Variants in TMEM9 observed in about 807,000 individuals in gnomAD.
TMEM9 encodes the protein transmembrane protein 9.
Under a neutral mutation model 22.8 loss-of-function variants are expected in TMEM9, and 13 were observed. That is an observed-to-expected ratio of 0.57 (90% CI 0.37 to 0.91). TMEM9 has a LOEUF of 0.91. TMEM9 is among the 40% of genes least tolerant of loss of function. TMEM9 has a pLI of 0.01. For missense variants in TMEM9, 182 were observed against 238.1 expected (o/e 0.76, Z 1.55); for synonymous variants, 88 against 93.0 (o/e 0.95, Z 0.31).
chr1:201,155,912 T>G (rs1261823783), upstream of TMEM9, among the ~76,000 whole-genome samples: 1 of 152,180 alleles, frequency 6.6e-6, no homozygotes, highest in Non-Finnish European at 1.5e-5. Context: ...TAAATGGCAA[T>G]GTTAGCTCAT....
At position 201,135,628 on chromosome 1, in the gene TMEM9, G is replaced by A; in HGVS notation, c.*35C>T. 2.6e-6 allele frequency: 4 copies of A among 1,542,026 alleles called. No individual in the cohort carries two copies. The highest frequency in any genetic ancestry group is 3.5e-6 in the Non-Finnish European group (4 of 1,140,712). ...GTCCAGCCTGGAAGCTGGCAGCCAT[G>A]GTGTTGGGGCCTTGACCCAACCACA... On this transcript the variant is annotated 3_prime_UTR_variant, in exon 5 of 5. Transcript: ENST00000367330.
At chr1:201,146,123 G>A (rs777237534) in intron 3 of TMEM9, among the ~76,000 whole-genome samples, 3 of 152,220 alleles carry the variant, frequency 2.0e-5, no homozygotes, top group Non-Finnish European at 2.9e-5. Flanking sequence ...TAGAAGACAC[G>A]GGAAGTTCTG....
intron 4 of TMEM9, among the ~76,000 whole-genome samples, chr1:201,140,073 T>C (rs1254324017): frequency 6.6e-6 from 1 of 152,224 alleles, no homozygotes; most frequent in Non-Finnish European, 1.5e-5. Context: ...CTGCCACCCA[T>C]GTGCAGACAG....
upstream of TMEM9, among the ~76,000 whole-genome samples, chr1:201,154,691 C>T (rs530522686): frequency 6.6e-6 from 1 of 152,318 alleles, no homozygotes; most frequent in East Asian, 1.9e-4. Flanking sequence ...GGCCTGAGAA[C>T]TCCCACTGCG....
At chr1:201,142,750 A>T (rs925726632) in intron 4 of TMEM9, among the ~76,000 whole-genome samples, 1 of 152,244 alleles carries the variant, frequency 6.6e-6, no homozygotes, top group Non-Finnish European at 1.5e-5. Flanking sequence ...TGGAAGCAGC[A>T]GCCAACCCCG....
intron 1 of TMEM9, among the ~76,000 whole-genome samples, chr1:201,153,418 CTATG>C (rs1170280456): frequency 6.6e-6 from 1 of 152,156 alleles, no homozygotes; most frequent in African/African-American, 2.4e-5. Context: ...TACCTTCGGG[CTATG>C]TATATACAGC....
chr1:201,157,314 A>G (rs988606953), upstream of TMEM9, among the ~76,000 whole-genome samples: 3 of 152,114 alleles, frequency 2.0e-5, no homozygotes, highest in Non-Finnish European at 2.9e-5. Flanking sequence ...CATGTTGCCC[A>G]GTTCTTTCTT....
At chr1:201,140,286 C>T (rs908898760) in intron 4 of TMEM9, among the ~76,000 whole-genome samples, 2 of 152,250 alleles carry the variant, frequency 1.3e-5, no homozygotes, top group African/African-American at 4.8e-5. Context: ...GCGACATCCC[C>T]AGCCTCAGAG....
intron 1 of TMEM9, among the ~76,000 whole-genome samples, chr1:201,160,936 C>CA (rs36053036): frequency 0.34 from 39,463 of 115,318 alleles, 6,313 homozygotes; most frequent in Admixed American, 0.47. Flanking sequence ...ACTCTGTCTC[C>CA]AAAAAAAAAA....
chr1:201,153,772 C>T (rs1366358294), intron 1 of TMEM9, 86 bp downstream of exon 1: 3 of 1,591,276 alleles, frequency 1.9e-6, no homozygotes, highest in African/African-American at 2.7e-5. Context: ...GCTTAAGGAG[C>T]AGCTGGCTAC....
intron 3 of TMEM9, chr1:201,144,955 C>T (rs987929694): frequency 1.3e-5 from 2 of 152,276 alleles, no homozygotes; most frequent in East Asian, 3.8e-4. Flanking sequence ...CCCTGCCCTA[C>T]CTAGACTGTG....
intron 4 of TMEM9, among the ~76,000 whole-genome samples, chr1:201,139,511 C>A (rs1404321043): frequency 3.9e-5 from 6 of 152,134 alleles, no homozygotes; most frequent in Admixed American, 2.0e-4. Context: ...CCAGCTGGGA[C>A]CCACCTGCTC....
intron 1 of TMEM9, among the ~76,000 whole-genome samples, chr1:201,170,148 G>T (rs1259689209): frequency 1.3e-5 from 2 of 152,190 alleles, no homozygotes; most frequent in African/African-American, 2.4e-5. Flanking sequence ...GGGGTGCATT[G>T]GCTGTGATGG....
At chr1:201,141,473 A>C in intron 4 of TMEM9, among the ~76,000 whole-genome samples, 1 of 152,142 alleles carries the variant, frequency 6.6e-6, no homozygotes, top group Middle Eastern at 3.2e-3. Flanking sequence ...TTACCCAGCC[A>C]AGGGCACCCA....
chr1:201,162,972 G>A lies in TMEM9; in HGVS notation c.-37+8518C>T, dbSNP rs1436218984. 2.6e-5 allele frequency among the ~76,000 whole-genome samples: 4 copies of A among 152,320 alleles called. No individual in the cohort carries two copies. In the East Asian group the frequency reaches 7.7e-4, roughly 29 times the overall value. On this transcript the variant is annotated intron_variant, in intron 1 of 5. Coordinates refer to the TMEM9 transcript ENST00000367333. ...GTACATGAAAAGATTCAACGTCACA[G>A]CCATTAGGGAAATGTAAATTAAAAT...
chr1:201,160,737 A>C (rs554535963), intron 1 of TMEM9, among the ~76,000 whole-genome samples: 5 of 152,034 alleles, frequency 3.3e-5, no homozygotes, highest in Non-Finnish European at 7.4e-5. Context: ...GAGATCGAGA[A>C]CATCCTGGCT....
intron 1 of TMEM9, among the ~76,000 whole-genome samples, chr1:201,165,476 C>T (rs1033507031): frequency 9.3e-5 from 14 of 149,770 alleles, no homozygotes; most frequent in Non-Finnish European, 1.8e-4. Context: ...CTTGCTCTGT[C>T]GCCAGGCTGG....
chr1:201,165,562 G>A (rs772303415), intron 1 of TMEM9, among the ~76,000 whole-genome samples: 2 of 151,572 alleles, frequency 1.3e-5, no homozygotes, highest in Admixed American at 6.6e-5. Context: ...TCAGCCTCCC[G>A]AGTAGCTAGG....
At chr1:201,167,570 C>T (rs1666109138) in intron 1 of TMEM9, among the ~76,000 whole-genome samples, 1 of 151,542 alleles carries the variant, frequency 6.6e-6, no homozygotes. Flanking sequence ...AGAATAATGA[C>T]TGGCGACCAT....
Sources: gnomAD v4.1 joint callset for allele counts (sites outside exome capture counted in the v4.1 genomes callset) on GRCh38, gnomAD v4.1.1 for gene constraint, MANE v1.5 for transcripts, NCBI Gene and HGNC (gene_info 2026-07-23, HGNC 2026-07-21) for gene names.